The following SND1 variants were observed in gnomAD, a reference collection of about 807,000 sequenced individuals.
SND1 encodes the protein staphylococcal nuclease domain-containing protein 1.
In SND1, 38 loss-of-function variants were observed where a neutral mutation model predicts 121.7. The observed-to-expected ratio is 0.31, with a 90% CI of 0.24 to 0.41. The LOEUF (loss-of-function observed/expected upper bound fraction) is 0.41. Among genes scored for constraint, SND1 ranks in the 10% least tolerant of loss-of-function variants. The pLI, the probability that SND1 is intolerant of heterozygous loss-of-function variation, is 1.00. For missense variants in SND1, 868 were observed against 1,184.6 expected (o/e 0.73, Z 3.92); for synonymous variants, 401 against 447.4 (o/e 0.90, Z 1.31).
chr7:128,042,569 G>C (rs1453783485), intron 16 of SND1: 2 of 152,356 alleles, frequency 1.3e-5, no homozygotes, highest in Admixed American at 1.3e-4. Flanking sequence ...CCTCTGCTCA[G>C]CACTGCTGCC....
rs114543052 is a variant in SND1, at chr7:127,939,806, T to C, written c.1669+10477T>C. On this transcript the variant is annotated intron_variant, in intron 15 of 23. Coordinates refer to ENST00000354725, the MANE Select transcript of SND1 (RefSeq NM_014390.4). ...TTGATTTACCCTTGCTGTTAGATGATAGGCCTGTGGATTAGCTTTGGATGG... is the reference window on the plus strand; with the variant it reads ...TTGATTTACCCTTGCTGTTAGATGACAGGCCTGTGGATTAGCTTTGGATGG... 3.9e-3 allele frequency among the ~76,000 whole-genome samples: 601 copies of C among 152,304 alleles called. 2 individuals carry two copies. Among genetic ancestry groups the C allele is most frequent in the African/African-American group, 0.013 (547 of 41,570 alleles).
At chr7:128,023,850 C>T (rs1375100791) in intron 16 of SND1, among the ~76,000 whole-genome samples, 2 of 152,110 alleles carry the variant, frequency 1.3e-5, no homozygotes, top group African/African-American at 2.4e-5. Flanking sequence ...AGTGTGAGAT[C>T]TATGTCACAC....
chr7:127,778,344 C>T (rs776145624), intron 10 of SND1, among the ~76,000 whole-genome samples: 21 of 152,186 alleles, frequency 1.4e-4, no homozygotes, highest in Non-Finnish European at 1.9e-4. Context: ...ACTACAGGCG[C>T]GTGCCACCAC....
chr7:128,031,906 T>C (rs952705394), intron 16 of SND1: 1 of 150,726 alleles, frequency 6.6e-6, no homozygotes, highest in East Asian at 2.0e-4. Flanking sequence ...TGCAGCGGCG[T>C]GAGCAGCGGG....
At chr7:127,747,919 G>T (rs1233421131) in intron 10 of SND1, among the ~76,000 whole-genome samples, 1 of 152,184 alleles carries the variant, frequency 6.6e-6, no homozygotes, top group Non-Finnish European at 1.5e-5. Flanking sequence ...TGTAGGATTA[G>T]TATGTTTGTG....
Position 128,029,301 on chromosome 7 carries a change from T to G in SND1, c.1779+38245T>G, listed in dbSNP as rs1792502725. Reference sequence around the variant, plus strand: ...GGTGAAGAAGCTGTAGTTGGAGGTGTTAAGCTCAGCCGTGCTCACATTGAG... The same window carrying G: ...GGTGAAGAAGCTGTAGTTGGAGGTGGTAAGCTCAGCCGTGCTCACATTGAG... On this transcript the variant is annotated intron_variant, in intron 16 of 23. Transcript: ENST00000354725. This position sits in a 1 kb window ranked among gnomAD's most constrained non-coding sequence, Gnocchi z 4.2. The G allele has an allele frequency of 2.5e-6, 4 of 1,614,030 alleles. No individual in the cohort carries two copies. The highest frequency in any genetic ancestry group is 3.4e-6 in the Non-Finnish European group (4 of 1,180,026).
chr7:127,765,392 ACATATGTCTCACT>A (rs1797393077), intron 10 of SND1, among the ~76,000 whole-genome samples: 1 of 152,254 alleles, frequency 6.6e-6, no homozygotes, highest in Non-Finnish European at 1.5e-5. Flanking sequence ...TCTCACTCAG[ACATATGTCTCACT>A]CAGACATCTT....
intron 15 of SND1, among the ~76,000 whole-genome samples, chr7:127,982,026 G>C (rs1397930768): frequency 6.6e-6 from 1 of 152,214 alleles, no homozygotes; most frequent in African/African-American, 2.4e-5. Context: ...CTGTTTGCCA[G>C]ATACCGGGGA....
intron 16 of SND1, among the ~76,000 whole-genome samples, chr7:128,056,270 G>A (rs1377506215): frequency 6.6e-6 from 1 of 152,178 alleles, no homozygotes; most frequent in Non-Finnish European, 1.5e-5. Flanking sequence ...TCTATCCCCT[G>A]CCAAGCCTGG....
chr7:127,765,967 G>A (rs1423342862), intron 10 of SND1, among the ~76,000 whole-genome samples: 2 of 152,180 alleles, frequency 1.3e-5, no homozygotes, highest in African/African-American at 2.4e-5. Context: ...GATGGCTGTT[G>A]TGGTCAGATC....
chr7:128,020,224 ATCTG>A (rs1053267605), intron 16 of SND1, among the ~76,000 whole-genome samples: 172 of 152,354 alleles, frequency 1.1e-3, no homozygotes, highest in African/African-American at 3.9e-3. Flanking sequence ...AGTGGGCACC[ATCTG>A]TCTCAGAGCA....
chr7:128,028,058 G>C (rs1271643859), intron 16 of SND1: 1 of 152,606 alleles, frequency 6.6e-6, no homozygotes, highest in South Asian at 2.1e-4. Context: ...CCCCTTTAAG[G>C]GTTCGTTTGA....
intron 15 of SND1, among the ~76,000 whole-genome samples, chr7:127,954,433 A>C (rs920050774): frequency 6.6e-6 from 1 of 152,116 alleles, no homozygotes; most frequent in Non-Finnish European, 1.5e-5. Flanking sequence ...TTGATTAAAT[A>C]GTGGCTCCGA....
At chr7:127,694,043 G>A (rs982091316) in intron 2 of SND1, among the ~76,000 whole-genome samples, 4 of 152,184 alleles carry the variant, frequency 2.6e-5, no homozygotes, top group African/African-American at 9.7e-5. Context: ...ATGGAACGGT[G>A]AGAGGAAAGA....
chr7:127,947,910 C>T (rs748329592), intron 15 of SND1, among the ~76,000 whole-genome samples: 6 of 152,086 alleles, frequency 3.9e-5, no homozygotes, highest in Admixed American at 6.6e-5. Flanking sequence ...AAGCATTGTG[C>T]CAATAATGAC....
chr7:127,817,198 G>C (rs1351347436), intron 11 of SND1, among the ~76,000 whole-genome samples: 1 of 152,188 alleles, frequency 6.6e-6, no homozygotes, highest in African/African-American at 2.4e-5. Flanking sequence ...GAACAGATTT[G>C]AATAACTGGT....
chr7:128,040,388 G>A (rs757270944), intron 16 of SND1, among the ~76,000 whole-genome samples: 12 of 124,854 alleles, frequency 9.6e-5, no homozygotes, highest in South Asian at 2.8e-4. Context: ...ACCTGAGATC[G>A]CACCACTCAC....
At chr7:127,959,710 A>C (rs1020883503) in intron 15 of SND1, among the ~76,000 whole-genome samples, 5 of 152,138 alleles carry the variant, frequency 3.3e-5, no homozygotes, top group African/African-American at 1.2e-4. Context: ...CATGGTATGC[A>C]TTTTACTGGC....
chr7:127,683,371 A>T (rs936062243), intron 1 of SND1, among the ~76,000 whole-genome samples: 3 of 152,058 alleles, frequency 2.0e-5, no homozygotes, highest in Non-Finnish European at 4.4e-5. Flanking sequence ...GTGCACCACC[A>T]CACCCAGCTA....
Sources: allele counts gnomAD v4.1 joint callset (sites outside exome capture counted in the v4.1 genomes callset), GRCh38; gene constraint gnomAD v4.1.1; non-coding constraint Gnocchi (gnomAD v3.1); transcripts MANE v1.5; gene names NCBI Gene and HGNC (gene_info 2026-07-23, HGNC 2026-07-21).